EPB41: variants seen among roughly 807,000 people sequenced by gnomAD.
EPB41 encodes the protein protein 4.1.
A neutral mutation model predicts 108.0 loss-of-function variants in EPB41; 65 were observed. That is an observed-to-expected ratio of 0.60 (90% CI 0.49 to 0.74). EPB41 has a LOEUF of 0.74. EPB41 is among the 30% of genes least tolerant of loss of function. The pLI, the probability that EPB41 is intolerant of heterozygous loss-of-function variation, is 0.00. For synonymous variants in EPB41, 336 were observed against 358.9 expected (o/e 0.94, Z 0.72); for missense variants, 875 against 1,037.0 (o/e 0.84, Z 2.15).
chr1:29,086,832 G>T (rs1333329770), intron 16 of EPB41, among the ~76,000 whole-genome samples: 3 of 151,646 alleles, frequency 2.0e-5, no homozygotes, highest in African/African-American at 7.3e-5. Flanking sequence ...TACTACACAG[G>T]TACTCATACA....
At chr1:28,940,552 T>C (rs2148759409) in intron 1 of EPB41, among the ~76,000 whole-genome samples, 1 of 152,170 alleles carries the variant, frequency 6.6e-6, no homozygotes, top group East Asian at 1.9e-4. Flanking sequence ...CTCTGGAAGC[T>C]GAGGCAGGAA....
chr1:28,979,514 G>A (rs925281573), intron 1 of EPB41, among the ~76,000 whole-genome samples: 2 of 151,452 alleles, frequency 1.3e-5, no homozygotes, highest in Non-Finnish European at 2.9e-5. Context: ...GACAAGCTCG[G>A]TGACCTTCTG....
intron 15 of EPB41, among the ~76,000 whole-genome samples, chr1:29,062,390 G>C (rs1045868981): frequency 6.6e-6 from 1 of 152,204 alleles, no homozygotes; most frequent in Admixed American, 6.5e-5. Context: ...CCCTGTGTGT[G>C]ATGTGTTTTT....
chr1:29,067,621 C>A (rs113293010), intron 16 of EPB41, among the ~76,000 whole-genome samples: 12 of 148,340 alleles, frequency 8.1e-5, no homozygotes, highest in African/African-American at 3.0e-4. Context: ...GAGCCGAGAT[C>A]GCGCCACTGC....
Position 29,018,514 on chromosome 1 carries a change from A to G in EPB41, c.1124+72A>G. ...TTTAAACACAACATGGTATTGGTTC[A>G]TTGTTTGCCTAAGAGGGATCATGGT... On this transcript the variant is annotated intron_variant, in intron 7 of 20. Transcript: ENST00000343067. This position sits in a 1 kb window ranked among gnomAD's most constrained non-coding sequence, Gnocchi z 4.4. 6 of 1,459,024 alleles carry G rather than the reference A, an allele frequency of 4.1e-6. No homozygotes were observed. Among genetic ancestry groups the G allele is most frequent in the Non-Finnish European group, 5.8e-6 (6 of 1,040,674 alleles). The allele number at this position is 1,459,024 out of a possible 1,614,324, so 90.4% of individuals were successfully genotyped here. A position where few individuals can be genotyped will look rare whatever the true frequency, so the allele number is the denominator to read the frequency against.
At chr1:28,926,058 T>A (rs200675449) in intron 1 of EPB41, among the ~76,000 whole-genome samples, 19,181 of 146,526 alleles carry the variant, frequency 0.13, 1,495 homozygotes, top group East Asian at 0.39. Context: ...CAAAAAAAAA[T>A]TATAGGCCAG....
chr1:28,989,209 C>G (rs1348676869), intron 2 of EPB41: 1 of 156,898 alleles, frequency 6.4e-6, no homozygotes, highest in African/African-American at 2.4e-5. Flanking sequence ...CTTTCTATCA[C>G]CTGTGTAATG....
intron 8 of EPB41, among the ~76,000 whole-genome samples, chr1:29,031,407 G>T (rs527374047): frequency 6.6e-6 from 1 of 152,132 alleles, no homozygotes; most frequent in Non-Finnish European, 1.5e-5. Flanking sequence ...ATTTGGAGGC[G>T]AGGTTCTAGA....
chr1:28,991,959 G>A (rs1421824242), intron 2 of EPB41, among the ~76,000 whole-genome samples: 2 of 152,084 alleles, frequency 1.3e-5, no homozygotes, highest in East Asian at 1.9e-4. Flanking sequence ...CATTGTAATT[G>A]TTGTATAAAT....
In EPB41 at chr1:29,015,815, A is replaced by G. The variant is rs371961652; in HGVS notation, c.905+48A>G. On this transcript the variant is annotated intron_variant, in intron 6 of 20. Coordinates refer to ENST00000343067, the MANE Select transcript of EPB41 (RefSeq NM_001376013.1). ...TGTAATTTATCATATAATAATGTGT[A>G]TGATGAGACAGTAATTCTTACCACC... 20 of 1,218,790 alleles carry G rather than the reference A, an allele frequency of 1.6e-5. No individual in the cohort carries two copies. In the African/African-American group the frequency reaches 2.1e-4, roughly 13 times the overall value. 75.5% of individuals were successfully genotyped at this position (1,218,790 alleles called of 1,614,324 possible).
chr1:28,981,151 C>T (rs188790557), intron 1 of EPB41, among the ~76,000 whole-genome samples: 11 of 152,288 alleles, frequency 7.2e-5, no homozygotes, highest in African/African-American at 1.4e-4. Context: ...AAAATAATTA[C>T]GTGCACAGTA....
intron 16 of EPB41, among the ~76,000 whole-genome samples, chr1:29,078,717 C>A (rs1655135014): frequency 6.6e-6 from 1 of 152,080 alleles, no homozygotes; most frequent in South Asian, 2.1e-4. Context: ...CACTGTACTC[C>A]ATCCTAAGCA....
chr1:28,906,119 C>G (rs976880247), intron 1 of EPB41, among the ~76,000 whole-genome samples: 1 of 151,980 alleles, frequency 6.6e-6, no homozygotes, highest in Non-Finnish European at 1.5e-5. Flanking sequence ...GTGCGTGGCC[C>G]CAATTTCTCA....
intron 1 of EPB41, among the ~76,000 whole-genome samples, chr1:28,891,980 C>T (rs1319548294): frequency 6.6e-6 from 1 of 151,044 alleles, no homozygotes; most frequent in African/African-American, 2.4e-5. Flanking sequence ...ATAATCCCAG[C>T]TACTCGGGAT....
rs1184696709 is a variant in EPB41, at chr1:29,115,419, T to A, written c.2497-280T>A. Among the ~76,000 whole-genome samples the A allele has an allele frequency of 6.0e-5, 9 of 150,926 alleles. No homozygotes were observed. Among genetic ancestry groups the A allele is most frequent in the African/African-American group, 1.7e-4 (7 of 40,958 alleles). Reference sequence around the variant, plus strand: ...ACAACAACAAAAAATAAAAAAAAAATAAAGGATCATATAACAGATACAGCT... The same window carrying A: ...ACAACAACAAAAAATAAAAAAAAAAAAAAGGATCATATAACAGATACAGCT... On this transcript the variant is annotated intron_variant, in intron 19 of 20. Transcript: ENST00000343067. This position sits in a 1 kb window ranked among gnomAD's most constrained non-coding sequence, Gnocchi z 4.4.
chr1:29,030,597 G>A (rs2096775974), intron 8 of EPB41, 110 bp downstream of exon 8: 1 of 884,724 alleles, frequency 1.1e-6, no homozygotes, highest in African/African-American at 1.7e-5. Flanking sequence ...AACAACATCT[G>A]GGGTATTTTA....
At chr1:29,083,440 C>T (rs1657562684) in intron 16 of EPB41, among the ~76,000 whole-genome samples, 1 of 152,134 alleles carries the variant, frequency 6.6e-6, no homozygotes, top group Non-Finnish European at 1.5e-5. Context: ...GGGGTGGGAA[C>T]CAGAGGATGT....
At position 28,908,175 on chromosome 1, in the gene EPB41, G is replaced by A. The variant is rs552677362; in HGVS notation, c.-8+20965G>A. Among the ~76,000 whole-genome samples the A allele has an allele frequency of 1.8e-3, 267 of 151,996 alleles. 1 individual carries two copies. Among genetic ancestry groups the A allele is most frequent in the African/African-American group, 6.2e-3 (258 of 41,524 alleles). On this transcript the variant is annotated intron_variant, in intron 1 of 16. Transcript: ENST00000347529. ...CTAGCACTTTGGGAGGCCGAGTCGGGCAGATCACCTGAGGTCAGGAGTTCG... is the reference window on the plus strand; with the variant it reads ...CTAGCACTTTGGGAGGCCGAGTCGGACAGATCACCTGAGGTCAGGAGTTCG...
chr1:28,943,740 A>G (rs1403828849), intron 1 of EPB41, among the ~76,000 whole-genome samples: 4 of 152,194 alleles, frequency 2.6e-5, no homozygotes, highest in Non-Finnish European at 5.9e-5. Context: ...TGTGGACAAA[A>G]GGGAACCCTT....
Sources: allele counts gnomAD v4.1 joint callset (sites outside exome capture counted in the v4.1 genomes callset), GRCh38; gene constraint gnomAD v4.1.1; non-coding constraint Gnocchi (gnomAD v3.1); transcripts MANE v1.5; gene names NCBI Gene and HGNC (gene_info 2026-07-23, HGNC 2026-07-21).